Variants in DLGAP2 observed in about 807,000 individuals in gnomAD.
The protein encoded by DLGAP2 is disks large-associated protein 2.
In DLGAP2, 26 loss-of-function variants were observed where a neutral mutation model predicts 100.3. The ratio of observed to expected loss-of-function variants is 0.26; its 90% CI spans 0.19 to 0.36. The LOEUF is 0.36. Ranked by LOEUF, DLGAP2 falls within the 10% of genes least tolerant of loss-of-function variation. The pLI is 1.00. For missense variants in DLGAP2, 1,858 were observed against 1,453.2 expected (o/e 1.28, Z -4.53); for synonymous variants, 886 against 630.1 (o/e 1.41, Z -6.08).
chr8:1,572,049 G>A (rs1802728508), intron 6 of DLGAP2, among the ~76,000 whole-genome samples: 1 of 138,550 alleles, frequency 7.2e-6, no homozygotes, highest in Non-Finnish European at 1.6e-5. Flanking sequence ...GAACTGTGGG[G>A]ATGTCTGATG....
At chr8:1,089,326 A>G (rs893713997) in intron 2 of DLGAP2, among the ~76,000 whole-genome samples, 7 of 152,244 alleles carry the variant, frequency 4.6e-5, no homozygotes, top group East Asian at 1.9e-4. Flanking sequence ...GCACCACAAT[A>G]TGAAAACAAA....
intron 2 of DLGAP2, among the ~76,000 whole-genome samples, chr8:1,217,478 A>G (rs1303660365): frequency 1.3e-5 from 2 of 152,156 alleles, no homozygotes; most frequent in Non-Finnish European, 2.9e-5. Context: ...ATACCCAGTA[A>G]TTGGATTACT....
chr8:767,632 G>C (rs909022044), intron 1 of DLGAP2, among the ~76,000 whole-genome samples: 2 of 152,190 alleles, frequency 1.3e-5, no homozygotes, highest in Non-Finnish European at 2.9e-5. Context: ...TGGGATTACA[G>C]GTACGAGCCA....
At chr8:939,107 T>A (rs980773468) in intron 2 of DLGAP2, among the ~76,000 whole-genome samples, 2 of 102,208 alleles carry the variant, frequency 2.0e-5, no homozygotes, top group Non-Finnish European at 4.0e-5. Context: ...GAGTGGGAGG[T>A]GCAGACACAG....
At position 1,480,102 on chromosome 8, in the gene DLGAP2, G is replaced by A. The variant is rs573000554; in HGVS notation, c.107-21264G>A. On this transcript the variant is annotated intron_variant, in intron 3 of 14. Transcript: ENST00000637795. ...GCAGTGAGTCCCAGGGACGCCCCGC[G>A]CAGTGCAGAGCCGAACCCCGGCTGT... 4.6e-5 allele frequency among the ~76,000 whole-genome samples: 7 copies of A among 152,302 alleles called. No homozygotes were observed. The South Asian group carries it at 8.3e-4, about 18-fold the overall frequency.
chr8:1,287,739 T>G (rs1395143501), intron 3 of DLGAP2, among the ~76,000 whole-genome samples: 5 of 75,988 alleles, frequency 6.6e-5, no homozygotes, highest in Non-Finnish European at 9.6e-5. Context: ...GTGGTTCTGT[T>G]AGGGGAACTA....
chr8:772,964 C>G (rs1656447366), intron 1 of DLGAP2, among the ~76,000 whole-genome samples: 1 of 152,286 alleles, frequency 6.6e-6, no homozygotes, highest in Non-Finnish European at 1.5e-5. Context: ...CACACACACT[C>G]CATGCAGGAC....
chr8:1,392,022 G>C (rs905646931), intron 3 of DLGAP2, among the ~76,000 whole-genome samples: 2 of 152,238 alleles, frequency 1.3e-5, no homozygotes, highest in African/African-American at 4.8e-5. Flanking sequence ...AGAACTGTTT[G>C]AATCGCCTTA....
intron 1 of DLGAP2, among the ~76,000 whole-genome samples, chr8:855,561 G>T (rs62486371): frequency 6.6e-6 from 1 of 152,018 alleles, no homozygotes; most frequent in Non-Finnish European, 1.5e-5. Flanking sequence ...AGGAGTGAGA[G>T]GGGGATAGGT....
chr8:1,503,022 C>T (rs961251674), intron 4 of DLGAP2, among the ~76,000 whole-genome samples: 21 of 152,074 alleles, frequency 1.4e-4, no homozygotes, highest in African/African-American at 2.7e-4. Context: ...CCCTGGACTC[C>T]GTGGTTGAGA....
At chr8:1,358,233 G>C (rs1801900754) in intron 3 of DLGAP2, among the ~76,000 whole-genome samples, 1 of 152,190 alleles carries the variant, frequency 6.6e-6, no homozygotes, top group South Asian at 2.1e-4. Context: ...GAAAGGTTTG[G>C]TGAGTGGAAT....
chr8:1,549,118 G>C lies in DLGAP2; in HGVS notation c.665G>C (p.Arg222Pro). 1 of 1,587,752 alleles carries C rather than the reference G, an allele frequency of 6.3e-7. No homozygotes were observed. The highest frequency in any genetic ancestry group is 8.5e-7 in the Non-Finnish European group (1 of 1,169,656). Reference protein sequence around the residue: ...YQRTSAAAEQRSESPGRIRHL... With the variant: ...YQRTSAAAEQPSESPGRIRHL... ...AGGACGTCCGCGGCCGCCGAGCAGC[G>C]CAGCGAGAGCCCCGGGCGGATCCGC... The change falls in exon 5 of 15, where the codon CGC becomes CCC. Residue 222 changes from arginine to proline, a missense_variant. Transcript: ENST00000637795.
intron 3 of DLGAP2, among the ~76,000 whole-genome samples, chr8:1,467,093 C>A (rs1364121429): frequency 6.6e-6 from 1 of 151,742 alleles, no homozygotes; most frequent in Admixed American, 6.6e-5. Flanking sequence ...GATGGTCAGT[C>A]CCAGATCCAG....
intron 3 of DLGAP2, among the ~76,000 whole-genome samples, chr8:1,417,339 A>G (rs1269351033): frequency 6.6e-6 from 1 of 151,856 alleles, no homozygotes; most frequent in African/African-American, 2.4e-5. Flanking sequence ...ATCTCACCGC[A>G]TGTTCATAGA....
intron 3 of DLGAP2, among the ~76,000 whole-genome samples, chr8:1,447,327 G>T (rs982352224): frequency 3.3e-5 from 5 of 152,174 alleles, no homozygotes; most frequent in African/African-American, 1.2e-4. Flanking sequence ...GGCCTTTTCT[G>T]CATCTATTGA....
chr8:1,678,222 G>T lies in DLGAP2; in HGVS notation c.2297G>T (p.Arg766Leu), dbSNP rs774832692. The change falls in exon 12 of 15, where the codon CGT (arginine) becomes CTT (leucine). Residue 766 changes from arginine to leucine, a missense_variant. Transcript: ENST00000637795. ...VQVEDEKRHG[R>L]FKRSNSVTAA... is the part of the protein sequence containing the mutation. ...CTTCCCTCCTTTTGCAGACACGGAC[G>T]TTTTAAACGTTCTAACAGCGTCACG... is the stretch of plus-strand genomic sequence containing the variant. 1 of 1,610,290 alleles carries T rather than the reference G, an allele frequency of 6.2e-7. No individual in the cohort carries two copies. Among genetic ancestry groups the T allele is most frequent in the African/African-American group, 1.3e-5 (1 of 74,850 alleles).
chr8:1,042,555 G>A (rs1802384011), intron 2 of DLGAP2, among the ~76,000 whole-genome samples: 1 of 152,192 alleles, frequency 6.6e-6, no homozygotes, highest in Admixed American at 6.5e-5. Context: ...GGAAAGCACC[G>A]CCGGTATTGA....
chr8:781,767 G>A (rs1486630706), intron 1 of DLGAP2, among the ~76,000 whole-genome samples: 1 of 152,144 alleles, frequency 6.6e-6, no homozygotes, highest in Non-Finnish European at 1.5e-5. Context: ...TTGTTGCTAT[G>A]GGAACTACAA....
chr8:934,847 A>T (rs1799033934), intron 2 of DLGAP2, among the ~76,000 whole-genome samples: 1 of 152,200 alleles, frequency 6.6e-6, no homozygotes, highest in African/African-American at 2.4e-5. Flanking sequence ...GTTCTCGGCT[A>T]TAAGAGCAAC....
Sources: gnomAD v4.1 joint callset for allele counts (sites outside exome capture counted in the v4.1 genomes callset) on GRCh38, gnomAD v4.1.1 for gene constraint, MANE v1.5 for transcripts, NCBI Gene and HGNC (gene_info 2026-07-23, HGNC 2026-07-21) for gene names.